The following BICC1 variants were observed in gnomAD, a reference collection of about 807,000 sequenced individuals.
BICC1 encodes protein bicaudal C homolog 1.
In BICC1, 43 loss-of-function variants were observed where a neutral mutation model predicts 111.0. The ratio of observed to expected loss-of-function variants is 0.39; its 90% CI spans 0.30 to 0.50. The LOEUF (loss-of-function observed/expected upper bound fraction) is 0.50, where lower values mean the gene tolerates loss of function less well. Ranked by LOEUF, BICC1 falls within the 20% of genes least tolerant of loss-of-function variation. BICC1 has a pLI of 0.88. For synonymous variants in BICC1, 467 were observed against 434.4 expected, an observed-to-expected ratio of 1.07 and a Z score of -0.93; for missense variants, 1,091 against 1,203.2, an observed-to-expected ratio of 0.91 and a Z score of 1.38.
chr10:58,816,918 G>T (rs943787785), intron 18 of BICC1, among the ~76,000 whole-genome samples: 3 of 151,996 alleles, frequency 2.0e-5, no homozygotes, highest in African/African-American at 4.8e-5. Context: ...GAAAAGTTCA[G>T]CATTGCTGTC....
intron 2 of BICC1, among the ~76,000 whole-genome samples, chr10:58,636,516 T>C (rs559571031): frequency 3.9e-5 from 6 of 152,230 alleles, no homozygotes; most frequent in African/African-American, 1.2e-4. Context: ...GCCTAGGAAG[T>C]AGGTTTTTAA....
chr10:58,748,800 G>A (rs2132635040), intron 3 of BICC1, among the ~76,000 whole-genome samples: 1 of 152,224 alleles, frequency 6.6e-6, no homozygotes, highest in African/African-American at 2.4e-5. Flanking sequence ...AACTAAGTGG[G>A]GCCTGAGAAA....
chr10:58,779,065 T>A (rs1842819264), intron 3 of BICC1, among the ~76,000 whole-genome samples: 1 of 152,180 alleles, frequency 6.6e-6, no homozygotes, highest in Non-Finnish European at 1.5e-5. Context: ...GTGATGTTGG[T>A]ATGTTATTTG....
At chr10:58,820,566 T>C in intron 20 of BICC1, 98 bp downstream of exon 20, 1 of 798,844 alleles carries the variant, frequency 1.3e-6, no homozygotes, top group South Asian at 1.5e-5. Flanking sequence ...GCTGGCTTAC[T>C]AACCTAACAC....
intron 20 of BICC1, among the ~76,000 whole-genome samples, chr10:58,825,811 A>G (rs950875816): frequency 1.3e-5 from 2 of 152,178 alleles, no homozygotes. Context: ...GTTTAGTACA[A>G]TACCATAGAC....
intron 3 of BICC1, among the ~76,000 whole-genome samples, chr10:58,712,060 C>A (rs973156266): frequency 6.6e-6 from 1 of 152,182 alleles, no homozygotes; most frequent in African/African-American, 2.4e-5. Context: ...ACAGACACCT[C>A]ACCAAAGAAG....
Position 58,817,716 on chromosome 10 carries a change from A to G in BICC1, c.2688A>G (p.Gln896=), listed in dbSNP as rs1844138738. The G allele has an allele frequency of 6.2e-7, 1 of 1,606,660 alleles. No individual in the cohort carries two copies. The highest frequency in any genetic ancestry group is 8.5e-7 in the Non-Finnish European group (1 of 1,176,296). Residue 896 remains glutamine (Q), a synonymous_variant, in exon 19 of 21, where the codon CAA becomes CAG. Coordinates refer to ENST00000373886, the MANE Select transcript of BICC1 (RefSeq NM_001080512.3). ...GCAAATACACAGATGTTTTCCAGCA[A>G]CAAGAGGTCAGTCATTATTTATTTT... is the stretch of plus-strand genomic sequence containing the variant. ...GLGKYTDVFQ[Q]QEIDLQTFLT...
intron 6 of BICC1, among the ~76,000 whole-genome samples, chr10:58,788,742 G>C (rs1376618967): frequency 1.3e-5 from 2 of 152,098 alleles, no homozygotes; most frequent in African/African-American, 4.8e-5. Flanking sequence ...AATGCCACAG[G>C]CAATGTGAGT....
At chr10:58,781,344 A>G (rs1842879729) in intron 3 of BICC1, among the ~76,000 whole-genome samples, 1 of 152,178 alleles carries the variant, frequency 6.6e-6, no homozygotes, top group Non-Finnish European at 1.5e-5. Flanking sequence ...TATAGGTGCC[A>G]TCCGTTCATT....
chr10:58,616,935 T>C (rs1489211830), intron 1 of BICC1, among the ~76,000 whole-genome samples: 2 of 152,256 alleles, frequency 1.3e-5, no homozygotes, highest in East Asian at 1.9e-4. Flanking sequence ...AGATTTAAGA[T>C]GGTGCGGCTG....
In BICC1 at chr10:58,625,299, C is replaced by G. The variant is rs180697614; in HGVS notation, c.237+4398C>G. On this transcript the variant is annotated intron_variant, in intron 2 of 20. Transcript: ENST00000373886. ...CTTTCTCTTGTGAAATGACTATGGT[C>G]AGATCTTGGAGGGGAAAATGGGTTA... is the stretch of plus-strand genomic sequence containing the variant. Among the ~76,000 whole-genome samples the G allele has an allele frequency of 6.6e-5, 10 of 152,178 alleles. No individual in the cohort carries two copies. In the East Asian group the frequency reaches 1.9e-3, roughly 29 times the overall value.
At chr10:58,544,122 A>G (rs1379248989) in intron 1 of BICC1, among the ~76,000 whole-genome samples, 1 of 152,126 alleles carries the variant, frequency 6.6e-6, no homozygotes, top group Non-Finnish European at 1.5e-5. Flanking sequence ...CATCAAACTA[A>G]GTCTGCATGA....
intron 2 of BICC1, among the ~76,000 whole-genome samples, chr10:58,689,644 T>C (rs545914315): frequency 1.3e-5 from 2 of 152,326 alleles, no homozygotes; most frequent in South Asian, 4.1e-4. Flanking sequence ...GTGAATGTGT[T>C]ACTCTGAAAG....
At chr10:58,626,841 A>G (rs1837645477) in intron 2 of BICC1, among the ~76,000 whole-genome samples, 1 of 152,242 alleles carries the variant, frequency 6.6e-6, no homozygotes, top group Admixed American at 6.5e-5. Flanking sequence ...ACAGCAGCTC[A>G]TGCCTGTAAT....
chr10:58,599,108 T>TAGAACC (rs1844936522), intron 1 of BICC1, among the ~76,000 whole-genome samples: 1 of 152,194 alleles, frequency 6.6e-6, no homozygotes, highest in Non-Finnish European at 1.5e-5. Flanking sequence ...CTCAAGGATA[T>TAGAACC]AGAACCAGAA....
At chr10:58,661,705 C>T (rs1432812572) in intron 2 of BICC1, among the ~76,000 whole-genome samples, 2 of 152,110 alleles carry the variant, frequency 1.3e-5, no homozygotes, top group South Asian at 2.1e-4. Flanking sequence ...TAATTTAGGT[C>T]ATCTCTTGCA....
At chr10:58,678,688 A>C (rs898949056) in intron 2 of BICC1, among the ~76,000 whole-genome samples, 3 of 152,234 alleles carry the variant, frequency 2.0e-5, no homozygotes, top group African/African-American at 7.2e-5. Context: ...AAGGAGACCT[A>C]ATAGACATCT....
rs564655611 is a variant in BICC1, at chr10:58,657,987, C to G, written c.237+37086C>G. Among the ~76,000 whole-genome samples the G allele has an allele frequency of 7.5e-5, 11 of 147,596 alleles. No homozygotes were observed. In the East Asian group the frequency reaches 2.3e-3, roughly 30 times the overall value. On this transcript the variant is annotated intron_variant, in intron 2 of 20. Coordinates refer to ENST00000373886, the MANE Select transcript of BICC1 (RefSeq NM_001080512.3). Reference sequence around the variant, plus strand: ...TTCTGTACTCTTCTCAGTGTGTCACCTTAGGAAAAATTGTGTCAATCTGTC... The same window carrying G: ...TTCTGTACTCTTCTCAGTGTGTCACGTTAGGAAAAATTGTGTCAATCTGTC...
chr10:58,780,370 A>G (rs1368891746), intron 3 of BICC1, among the ~76,000 whole-genome samples: 2 of 151,856 alleles, frequency 1.3e-5, no homozygotes, highest in Non-Finnish European at 2.9e-5. Context: ...CAAACAAGGG[A>G]TTTTTCTGTT....
Sources: allele counts gnomAD v4.1 joint callset (sites outside exome capture counted in the v4.1 genomes callset), GRCh38; gene constraint gnomAD v4.1.1; transcripts MANE v1.5; gene names NCBI Gene and HGNC (gene_info 2026-07-23, HGNC 2026-07-21).